MAPKAP1: variants seen among roughly 807,000 people sequenced by gnomAD.
MAPKAP1 encodes MAPK associated protein 1, also known as target of rapamycin complex 2 subunit MAPKAP1.
Under a neutral mutation model 65.7 loss-of-function variants are expected in MAPKAP1, and 20 were observed. The observed-to-expected ratio is 0.30, with a 90% confidence interval of 0.21 to 0.44. MAPKAP1 has a LOEUF of 0.44. Among genes scored for constraint, MAPKAP1 ranks in the 20% least tolerant of loss-of-function variants. The pLI, the probability that MAPKAP1 is intolerant of heterozygous loss-of-function variation, is 1.00. For synonymous variants in MAPKAP1, 222 were observed against 244.3 expected, an observed-to-expected ratio of 0.91 and a Z score of 0.85; for missense variants, 423 against 648.0, an observed-to-expected ratio of 0.65 and a Z score of 3.77.
intron 4 of MAPKAP1, among the ~76,000 whole-genome samples, chr9:125,643,259 T>C (rs1316720371): frequency 2.0e-5 from 3 of 151,152 alleles, no homozygotes; most frequent in African/African-American, 4.9e-5. Flanking sequence ...CAATGGTGCA[T>C]TCTTGGCTTA....
At chr9:125,500,319 C>T (rs896727330) in intron 8 of MAPKAP1, among the ~76,000 whole-genome samples, 2 of 150,840 alleles carry the variant, frequency 1.3e-5, no homozygotes, top group African/African-American at 2.4e-5. Flanking sequence ...TCCCGAGTAG[C>T]TGGGACTACA....
At chr9:125,585,409 C>G (rs1001426665) in intron 5 of MAPKAP1, 146 bp downstream of exon 5, 1 of 745,830 alleles carries the variant, frequency 1.3e-6, no homozygotes, top group African/African-American at 1.7e-5. Context: ...GATGCACAGG[C>G]GCGAGACCTG....
chr9:125,693,786 T>TATATACAC (rs1835291795), intron 1 of MAPKAP1, among the ~76,000 whole-genome samples: 1 of 150,114 alleles, frequency 6.7e-6, no homozygotes, highest in African/African-American at 2.5e-5. Flanking sequence ...TATACACGTA[T>TATATACAC]ATATATACAC....
intron 5 of MAPKAP1, among the ~76,000 whole-genome samples, chr9:125,569,146 T>G (rs1831152835): frequency 6.6e-6 from 1 of 152,184 alleles, no homozygotes; most frequent in Non-Finnish European, 1.5e-5. Context: ...ACAAAAAAAC[T>G]GGATGATGTC....
At position 125,497,321 on chromosome 9, in the gene MAPKAP1, A is replaced by C. The variant is rs542754981; in HGVS notation, c.1066+8989T>G. 6.6e-5 allele frequency among the ~76,000 whole-genome samples: 10 copies of C among 152,344 alleles called. No individual in the cohort carries two copies. The South Asian group carries it at 2.1e-3, about 32-fold the overall frequency. ...CATTCTGTGAATCTCCTTCAAAAGG[A>C]AAGATCAAAGGAAGCTGAATTAATG... On this transcript the variant is annotated intron_variant, in intron 8 of 11. Transcript: ENST00000265960.
chr9:125,678,531 C>G (rs1160602511), intron 1 of MAPKAP1, among the ~76,000 whole-genome samples: 1 of 152,156 alleles, frequency 6.6e-6, no homozygotes, highest in Non-Finnish European at 1.5e-5. Flanking sequence ...CGTGAGCCAC[C>G]GCGCCCGGCC....
chr9:125,673,469 G>A (rs550279400), intron 1 of MAPKAP1, among the ~76,000 whole-genome samples: 8 of 152,208 alleles, frequency 5.3e-5, no homozygotes, highest in East Asian at 3.9e-4. Context: ...CAGTTGATCC[G>A]CCCGCCTTGG....
At chr9:125,486,098 G>C (rs1386524190) in intron 8 of MAPKAP1, among the ~76,000 whole-genome samples, 2 of 152,194 alleles carry the variant, frequency 1.3e-5, no homozygotes, top group Non-Finnish European at 2.9e-5. Flanking sequence ...AATTGTGCTA[G>C]ATAAATAATA....
intron 7 of MAPKAP1, among the ~76,000 whole-genome samples, chr9:125,525,979 G>C (rs940798634): frequency 6.6e-6 from 1 of 152,218 alleles, no homozygotes; most frequent in Non-Finnish European, 1.5e-5. Flanking sequence ...AGAATGCACT[G>C]ACGTAGGCGT....
chr9:125,659,478 A>AAC (rs1365424578), intron 3 of MAPKAP1, among the ~76,000 whole-genome samples: 1 of 152,094 alleles, frequency 6.6e-6, no homozygotes, highest in Admixed American at 6.5e-5. Context: ...GGAGAATAGA[A>AAC]ACAACCAAAG....
chr9:125,501,041 C>G (rs1272680051), intron 8 of MAPKAP1, among the ~76,000 whole-genome samples: 2 of 152,120 alleles, frequency 1.3e-5, no homozygotes, highest in South Asian at 4.1e-4. Flanking sequence ...TATGAAATTT[C>G]AAATGTCACA....
At chr9:125,543,476 C>T (rs1403400404) in intron 6 of MAPKAP1, among the ~76,000 whole-genome samples, 1 of 151,572 alleles carries the variant, frequency 6.6e-6, no homozygotes, top group Non-Finnish European at 1.5e-5. Context: ...CAGGGTTTCA[C>T]CATGTTAGCC....
chr9:125,495,440 T>TA (rs767620262), intron 8 of MAPKAP1, among the ~76,000 whole-genome samples: 40 of 152,336 alleles, frequency 2.6e-4, no homozygotes, highest in Non-Finnish European at 5.0e-4. Context: ...CATGCTTCCT[T>TA]ACTGCTCTAA....
Position 125,475,676 on chromosome 9 carries a change from T to C in MAPKAP1, c.1208-7567A>G, listed in dbSNP as rs535771045. ...TGGGACTGTTTAATCCCAGAAAGACTTGTCTTTGAATGAGTGCTAAGTTCT... is the reference window on the plus strand; with the variant it reads ...TGGGACTGTTTAATCCCAGAAAGACCTGTCTTTGAATGAGTGCTAAGTTCT... On this transcript the variant is annotated intron_variant, in intron 9 of 11. Transcript: ENST00000265960. Among the ~76,000 whole-genome samples, 27 of 152,262 alleles carry C rather than the reference T, an allele frequency of 1.8e-4. No individual in the cohort carries two copies. In the East Asian group the frequency reaches 1.9e-3, roughly 11 times the overall value.
intron 4 of MAPKAP1, among the ~76,000 whole-genome samples, chr9:125,619,447 G>A (rs1204584031): frequency 1.3e-5 from 2 of 151,626 alleles, no homozygotes; most frequent in Non-Finnish European, 2.9e-5. Flanking sequence ...ACTTCACTCC[G>A]GCCTGGGCGA....
At chr9:125,510,927 TG>T (rs1829279261) in intron 7 of MAPKAP1, among the ~76,000 whole-genome samples, 1 of 152,178 alleles carries the variant, frequency 6.6e-6, no homozygotes, top group African/African-American at 2.4e-5. Context: ...TATAGCCAGG[TG>T]GTTAAGGGCA....
chr9:125,571,630 G>A (rs1276133370), intron 5 of MAPKAP1, among the ~76,000 whole-genome samples: 1 of 152,138 alleles, frequency 6.6e-6, no homozygotes, highest in East Asian at 1.9e-4. Flanking sequence ...GCCGAGGCAG[G>A]TGGATCACCT....
Position 125,680,083 on chromosome 9 carries a change from G to A in MAPKAP1, c.-69-7440C>T, listed in dbSNP as rs952432439. 8.0e-5 allele frequency among the ~76,000 whole-genome samples: 12 copies of A among 150,128 alleles called. No homozygotes were observed. The South Asian group carries it at 2.3e-3, about 29-fold the overall frequency. On this transcript the variant is annotated intron_variant, in intron 1 of 11. Transcript: ENST00000265960. ...GTTAACAACATGTAACAGCAGATGC[G>A]AGATTTTTTTTTTTTTTTTTTAACC...
chr9:125,474,754 G>A (rs1456343196), intron 9 of MAPKAP1, among the ~76,000 whole-genome samples: 1 of 152,170 alleles, frequency 6.6e-6, no homozygotes, highest in Non-Finnish European at 1.5e-5. Context: ...TGTATTTCCT[G>A]TTATCATTTG....
Sources: allele counts gnomAD v4.1 joint callset (sites outside exome capture counted in the v4.1 genomes callset), GRCh38; gene constraint gnomAD v4.1.1; transcripts MANE v1.5; gene names NCBI Gene and HGNC (gene_info 2026-07-23, HGNC 2026-07-21).